The following KCTD8 variants were observed in gnomAD, a reference collection of about 807,000 sequenced individuals.
KCTD8 encodes the protein potassium channel tetramerization domain containing 8, also known as BTB/POZ domain-containing protein KCTD8.
KCTD8 carries 27 observed loss-of-function variants against 31.5 expected under a neutral mutation model. The ratio of observed to expected loss-of-function variants is 0.86; its 90% CI spans 0.63 to 1.18. The LOEUF is 1.18. Ranked by LOEUF, KCTD8 falls within the 50% of genes most tolerant of loss-of-function variation. The probability of loss-of-function intolerance (pLI) is 0.00; values close to 1 mark genes in which losing one functional copy is unlikely to be tolerated. For synonymous variants in KCTD8, 290 were observed against 280.0 expected (o/e 1.04, Z -0.36); for missense variants, 658 against 647.7 (o/e 1.02, Z -0.17).
At position 44,236,933 on chromosome 4, in the gene KCTD8, G is replaced by A. The variant is rs111819636; in HGVS notation, c.962-61683C>T. ...GGGTTTCCCCTTTTGCTTGGCTTTC[G>A]TTCTCTTTTGTCTGCCACCACGTAA... On this transcript the variant is annotated intron_variant, in intron 1 of 1. Coordinates refer to ENST00000360029, the MANE Select transcript of KCTD8 (RefSeq NM_198353.3). 9.1e-3 allele frequency among the ~76,000 whole-genome samples: 1,392 copies of A among 152,162 alleles called. 20 individuals carry two copies. Among genetic ancestry groups the A allele is most frequent in the African/African-American group, 0.031 (1,299 of 41,522 alleles).
intron 1 of KCTD8, among the ~76,000 whole-genome samples, chr4:44,369,258 A>G (rs187995415): frequency 6.6e-6 from 1 of 152,336 alleles, no homozygotes; most frequent in Non-Finnish European, 1.5e-5. Context: ...ACTTCTAATT[A>G]GGTCATGGTT....
chr4:44,430,284 GAAAA>G (rs1168631118), intron 1 of KCTD8, among the ~76,000 whole-genome samples: 7 of 151,622 alleles, frequency 4.6e-5, no homozygotes, highest in Admixed American at 4.0e-4. Context: ...CTGGAAAAAA[GAAAA>G]AAGACAGAGG....
At chr4:44,269,816 A>T (rs1418019539) in intron 1 of KCTD8, among the ~76,000 whole-genome samples, 1 of 152,162 alleles carries the variant, frequency 6.6e-6, no homozygotes, top group African/African-American at 2.4e-5. Flanking sequence ...GCCATCAGAG[A>T]AATGCAAATC....
chr4:44,447,855 G>T lies in KCTD8; in HGVS notation c.669C>A (p.Asn223Lys). 6.3e-7 allele frequency: 1 copy of T among 1,580,008 alleles called. No homozygotes were observed. The highest frequency in any genetic ancestry group is 8.6e-7 in the Non-Finnish European group (1 of 1,161,104). ...CACGCCGGAATTTGGCGTCGGCCTG[G>T]TTGTCGCGCACGGTGGTGTAGGAGC... ...YRGSYTTVRD[N>K]QADAKFRRVA... The change falls in exon 1 of 2, where the codon AAC (asparagine) becomes AAA (lysine). Residue 223 changes from asparagine to lysine, a missense_variant. Coordinates refer to ENST00000360029, the MANE Select transcript of KCTD8 (RefSeq NM_198353.3).
chr4:44,249,167 T>C (rs1715754884), intron 1 of KCTD8, among the ~76,000 whole-genome samples: 1 of 151,828 alleles, frequency 6.6e-6, no homozygotes, highest in African/African-American at 2.4e-5. Context: ...ATTTGGGGCA[T>C]GAATTATAAA....
intron 1 of KCTD8, among the ~76,000 whole-genome samples, chr4:44,230,716 TA>T (rs746221644): frequency 1.3e-5 from 2 of 152,186 alleles, no homozygotes; most frequent in African/African-American, 2.4e-5. Flanking sequence ...CCTAAAAATG[TA>T]GGACCAAAAT....
chr4:44,275,932 T>A (rs997258233), intron 1 of KCTD8, among the ~76,000 whole-genome samples: 17 of 152,184 alleles, frequency 1.1e-4, no homozygotes, highest in African/African-American at 4.1e-4. Flanking sequence ...CAAATTTGCA[T>A]CAGTGTAGCA....
intron 1 of KCTD8, among the ~76,000 whole-genome samples, chr4:44,302,276 C>T (rs146350106): frequency 1.3e-5 from 2 of 151,922 alleles, no homozygotes; most frequent in East Asian, 1.9e-4. Context: ...TAGCTTGATG[C>T]GGATGGCATT....
At chr4:44,265,441 GA>G (rs1388070230) in intron 1 of KCTD8, among the ~76,000 whole-genome samples, 1 of 152,186 alleles carries the variant, frequency 6.6e-6, no homozygotes, top group East Asian at 1.9e-4. Context: ...CAAAGATGGG[GA>G]AAAAACAGAG....
At chr4:44,247,349 T>C (rs1715695709) in intron 1 of KCTD8, among the ~76,000 whole-genome samples, 1 of 152,020 alleles carries the variant, frequency 6.6e-6, no homozygotes, top group Non-Finnish European at 1.5e-5. Flanking sequence ...CTTTGAATTA[T>C]TTCCTAATTA....
At chr4:44,337,629 G>A (rs894837841) in intron 1 of KCTD8, among the ~76,000 whole-genome samples, 1 of 149,212 alleles carries the variant, frequency 6.7e-6, no homozygotes, top group Non-Finnish European at 1.5e-5. Context: ...AGCCGAGATT[G>A]CACCACTGCA....
chr4:44,301,734 T>A (rs1717629899), intron 1 of KCTD8, among the ~76,000 whole-genome samples: 2 of 152,222 alleles, frequency 1.3e-5, no homozygotes, highest in Admixed American at 6.5e-5. Context: ...AGATCCCATT[T>A]GTCAATTTTG....
At chr4:44,372,341 C>T (rs931872892) in intron 1 of KCTD8, among the ~76,000 whole-genome samples, 4 of 152,104 alleles carry the variant, frequency 2.6e-5, no homozygotes, top group Admixed American at 2.6e-4. Flanking sequence ...AAAAGACAAA[C>T]AGACGTACCA....
chr4:44,343,506 T>G (rs946372390), intron 1 of KCTD8, among the ~76,000 whole-genome samples: 1 of 152,074 alleles, frequency 6.6e-6, no homozygotes, highest in Non-Finnish European at 1.5e-5. Flanking sequence ...ATAACCAAAA[T>G]GTGACTCAGA....
intron 1 of KCTD8, among the ~76,000 whole-genome samples, chr4:44,334,059 T>C (rs550215289): frequency 1.3e-5 from 2 of 152,206 alleles, no homozygotes; most frequent in Non-Finnish European, 2.9e-5. Flanking sequence ...AGGAAACTTA[T>C]AGAGAATTTG....
intron 1 of KCTD8, among the ~76,000 whole-genome samples, chr4:44,220,736 G>T (rs1288583696): frequency 4.6e-5 from 7 of 152,104 alleles, no homozygotes; most frequent in Non-Finnish European, 7.4e-5. Context: ...TTAGGGTAAA[G>T]AATTAATTAC....
chr4:44,349,600 C>T (rs1162555162), intron 1 of KCTD8, among the ~76,000 whole-genome samples: 1 of 152,148 alleles, frequency 6.6e-6, no homozygotes, highest in Admixed American at 6.5e-5. Flanking sequence ...AGCTCACCAG[C>T]AGGTTCTTTC....
chr4:44,260,313 A>ATGT (rs1301431937), intron 1 of KCTD8, among the ~76,000 whole-genome samples: 8 of 151,944 alleles, frequency 5.3e-5, no homozygotes, highest in Non-Finnish European at 7.4e-5. Context: ...ATGTGAACTG[A>ATGT]TCACCTACTA....
At chr4:44,359,013 G>T (rs1719430087) in intron 1 of KCTD8, among the ~76,000 whole-genome samples, 1 of 152,048 alleles carries the variant, frequency 6.6e-6, no homozygotes, top group Admixed American at 6.6e-5. Flanking sequence ...ATTTTGATGG[G>T]TTTGTTTTTT....
Sources: allele counts gnomAD v4.1 joint callset (sites outside exome capture counted in the v4.1 genomes callset), GRCh38; gene constraint gnomAD v4.1.1; transcripts MANE v1.5; gene names NCBI Gene and HGNC (gene_info 2026-07-23, HGNC 2026-07-21).